The following MFSD11 variants were observed in gnomAD, a reference collection of about 807,000 sequenced individuals.
The protein encoded by MFSD11 is UNC93-like protein MFSD11.
In MFSD11, 36 loss-of-function variants were observed where a neutral mutation model predicts 53.5. The observed-to-expected ratio is 0.67, with a 90% confidence interval of 0.52 to 0.89. MFSD11 has a LOEUF of 0.89. Among genes scored for constraint, MFSD11 ranks in the 40% least tolerant of loss-of-function variants. The pLI, the probability that MFSD11 is intolerant of heterozygous loss-of-function variation, is 0.00. For synonymous variants in MFSD11, 186 were observed against 184.9 expected, an observed-to-expected ratio of 1.01 and a Z score of -0.05; for missense variants, 530 against 543.9, an observed-to-expected ratio of 0.97 and a Z score of 0.25.
intron 12 of MFSD11, among the ~76,000 whole-genome samples, chr17:76,777,895 T>G (rs1598800430): frequency 6.6e-6 from 1 of 152,302 alleles, no homozygotes; most frequent in East Asian, 1.9e-4. Context: ...TGCAGGCTGG[T>G]CTTGAACTCC....
chr17:76,742,207 C>T lies in MFSD11; in HGVS notation c.371C>T (p.Thr124Ile), dbSNP rs1203395898. ...VLWTAQGNCL[T>I]INSDEHSIGR... ...TGGACAGCACAAGGAAACTGCCTGA[C>T]AATCAATTCGGATGAGCACAGCATT... The change falls in exon 5 of 13, where the codon ACA becomes ATA. Residue 124 changes from threonine to isoleucine, a missense_variant. Transcript: ENST00000685175. The T allele has an allele frequency of 1.2e-6, 2 of 1,614,174 alleles. No homozygotes were observed. Among genetic ancestry groups the T allele is most frequent in the Non-Finnish European group, 1.7e-6 (2 of 1,180,034 alleles).
chr17:76,802,436 C>T, the MFSD11 span, among the ~76,000 whole-genome samples: 4 of 152,126 alleles, frequency 2.6e-5, no homozygotes, highest in African/African-American at 4.8e-5. Context: ...ACACATAAAC[C>T]GACCATACAA....
At chr17:76,750,793 A>C (rs1201898523) in intron 7 of MFSD11, among the ~76,000 whole-genome samples, 1 of 150,334 alleles carries the variant, frequency 6.7e-6, no homozygotes, top group Non-Finnish European at 1.5e-5. Flanking sequence ...GGCTATTAGG[A>C]TAGGAAATGT....
intron 8 of MFSD11, among the ~76,000 whole-genome samples, chr17:76,764,824 G>A (rs2080670481): frequency 6.6e-6 from 1 of 152,052 alleles, no homozygotes. Context: ...CATGTTTTTA[G>A]TATTTTGAGG....
chr17:76,753,700 A>AAGAAAG (rs60259208), intron 7 of MFSD11, among the ~76,000 whole-genome samples: 1 of 150,426 alleles, frequency 6.6e-6, no homozygotes, highest in African/African-American at 2.5e-5. Flanking sequence ...AAAAAAAAAA[A>AAGAAAG]AAAGAAAGAA....
At chr17:76,791,292 A>G in the MFSD11 span, among the ~76,000 whole-genome samples, 1 of 149,146 alleles carries the variant, frequency 6.7e-6, no homozygotes, top group Non-Finnish European at 1.5e-5. Context: ...TTGAGCATTT[A>G]TTTTTGACTT....
the MFSD11 span, among the ~76,000 whole-genome samples, chr17:76,796,675 CAAGAAAGAATTCCGA>C: frequency 6.6e-6 from 1 of 152,034 alleles, no homozygotes; most frequent in African/African-American, 2.4e-5. Flanking sequence ...GGATTTCACA[CAAGAAAGAATTCCGA>C]GGCTGGGCAC....
chr17:76,751,764 T>C (rs1459045873), intron 7 of MFSD11, among the ~76,000 whole-genome samples: 2 of 152,126 alleles, frequency 1.3e-5, no homozygotes, highest in Non-Finnish European at 2.9e-5. Context: ...TTAAAAACTT[T>C]CTTATAATCT....
chr17:76,795,296 A>G, the MFSD11 span, among the ~76,000 whole-genome samples: 1 of 145,070 alleles, frequency 6.9e-6, no homozygotes, highest in Admixed American at 7.0e-5. Flanking sequence ...AGCCTGGCCA[A>G]CATGGCGAAA....
At chr17:76,740,912 T>G in intron 2 of MFSD11, 45 bp from the exon 3 acceptor site, 6 of 1,135,846 alleles carry the variant, frequency 5.3e-6, no homozygotes, top group Non-Finnish European at 7.8e-6. Flanking sequence ...TATAAGGGCT[T>G]TGTTCTTTTT....
At chr17:76,750,207 T>C (rs2078934247) in intron 7 of MFSD11, among the ~76,000 whole-genome samples, 2 of 152,132 alleles carry the variant, frequency 1.3e-5, no homozygotes, top group African/African-American at 4.8e-5. Context: ...GGGTAAAATA[T>C]TGGAATCCTA....
chr17:76,770,031 C>CTTTTTTTTT (rs367900405), intron 10 of MFSD11, among the ~76,000 whole-genome samples, 160 bp downstream of exon 10: 1 of 131,086 alleles, frequency 7.6e-6, no homozygotes, highest in African/African-American at 2.9e-5. Flanking sequence ...TATTCTTTTT[C>CTTTTTTTTT]TTTTTTTTTT....
In MFSD11 at chr17:76,739,002, C is replaced by A; in HGVS notation, c.152+9C>A. 1.2e-6 allele frequency: 2 copies of A among 1,608,750 alleles called. No individual in the cohort carries two copies. Among genetic ancestry groups the A allele is most frequent in the Non-Finnish European group, 8.5e-7 (1 of 1,175,288 alleles). ...GGCAGTGGATATACCAGGTATTGTA[C>A]CGTATGATTGATTTTGCTTTATATT... On this transcript the variant is annotated intron_variant, in intron 2 of 12. Transcript: ENST00000685175.
the MFSD11 span, among the ~76,000 whole-genome samples, chr17:76,794,419 G>C: frequency 6.7e-6 from 1 of 150,264 alleles, no homozygotes; most frequent in African/African-American, 2.5e-5. Flanking sequence ...GGAGGTTGCA[G>C]TGAGCCTAGA....
downstream of MFSD11, among the ~76,000 whole-genome samples, chr17:76,785,819 G>A (rs1225370981): frequency 6.6e-6 from 1 of 151,958 alleles, no homozygotes; most frequent in African/African-American, 2.4e-5. Context: ...GGTGGCTCAT[G>A]CCTAAAATCC....
chr17:76,749,488 C>T (rs1313894395), intron 7 of MFSD11, among the ~76,000 whole-genome samples: 1 of 150,750 alleles, frequency 6.6e-6, no homozygotes, highest in African/African-American at 2.4e-5. Flanking sequence ...AAGATAATCA[C>T]ACCACCACAC....
chr17:76,743,748 C>G (rs980519817), intron 6 of MFSD11, among the ~76,000 whole-genome samples: 6 of 152,162 alleles, frequency 3.9e-5, no homozygotes, highest in South Asian at 4.1e-4. Flanking sequence ...TCCCAAGTAG[C>G]TGGGATTACA....
At chr17:76,741,127 G>A (rs2078045752) in intron 3 of MFSD11, 63 bp downstream of exon 3, 1 of 1,029,378 alleles carries the variant, frequency 9.7e-7, no homozygotes, top group Admixed American at 1.8e-5. Flanking sequence ...CAAGTAGATA[G>A]TAAACTTCAC....
At chr17:76,759,366 T>A (rs1030873663) in intron 8 of MFSD11, among the ~76,000 whole-genome samples, 2 of 152,112 alleles carry the variant, frequency 1.3e-5, no homozygotes, top group Admixed American at 1.3e-4. Flanking sequence ...CACTACAATC[T>A]CCGCCTCCTG....
Sources: allele counts gnomAD v4.1 joint callset (sites outside exome capture counted in the v4.1 genomes callset), GRCh38; gene constraint gnomAD v4.1.1; transcripts MANE v1.5; gene names NCBI Gene and HGNC (gene_info 2026-07-23, HGNC 2026-07-21).